MYO16: variants seen among roughly 807,000 people sequenced by gnomAD.
The protein encoded by MYO16 is myosin XVI.
MYO16 carries 94 observed loss-of-function variants against 205.3 expected under a neutral mutation model. The ratio of observed to expected loss-of-function variants is 0.46; its 90% CI spans 0.39 to 0.54. MYO16 has a LOEUF of 0.54. MYO16 is among the 20% of genes least tolerant of loss of function. MYO16 has a pLI of 0.00. For missense variants in MYO16, 2,315 were observed against 2,387.5 expected (o/e 0.97, Z 0.63); for synonymous variants, 988 against 954.0 (o/e 1.04, Z -0.66).
intron 34 of MYO16, among the ~76,000 whole-genome samples, chr13:109,193,576 T>A (rs1198967728): frequency 1.3e-5 from 2 of 152,256 alleles, no homozygotes; most frequent in African/African-American, 2.4e-5. Flanking sequence ...GAAAAAAAAA[T>A]TTGAGAAATT....
chr13:109,037,493 C>T (rs1886753801), intron 23 of MYO16, among the ~76,000 whole-genome samples: 1 of 152,102 alleles, frequency 6.6e-6, no homozygotes, highest in East Asian at 1.9e-4. Flanking sequence ...CTAGGTAATG[C>T]CATGAGTCCT....
chr13:108,666,517 C>A (rs1205302367), intron 2 of MYO16, among the ~76,000 whole-genome samples: 1 of 151,798 alleles, frequency 6.6e-6, no homozygotes, highest in Non-Finnish European at 1.5e-5. Flanking sequence ...GAGACAGGGT[C>A]CCACTATGTT....
chr13:108,959,124 T>C (rs991557918), intron 17 of MYO16, among the ~76,000 whole-genome samples: 4 of 152,140 alleles, frequency 2.6e-5, no homozygotes, highest in Non-Finnish European at 4.4e-5. Context: ...GGCACCTTGC[T>C]GCACCCACCC....
At chr13:108,641,732 G>A (rs1260068427) in intron 1 of MYO16, among the ~76,000 whole-genome samples, 1 of 152,150 alleles carries the variant, frequency 6.6e-6, no homozygotes, top group African/African-American at 2.4e-5. Context: ...TTTATGCAGG[G>A]CAACATTTTG....
At chr13:109,042,903 G>A (rs1886926004) in intron 23 of MYO16, among the ~76,000 whole-genome samples, 1 of 152,160 alleles carries the variant, frequency 6.6e-6, no homozygotes, top group African/African-American at 2.4e-5. Context: ...AAATCAAACT[G>A]CCATCAGCAA....
chr13:109,001,197 AAAGG>A (rs1402741305), intron 21 of MYO16, among the ~76,000 whole-genome samples: 2 of 151,738 alleles, frequency 1.3e-5, no homozygotes, highest in Admixed American at 6.6e-5. Flanking sequence ...AAAAAAAAGA[AAAGG>A]AAGAGAAGGG....
chr13:108,757,464 C>T (rs2139649275), intron 4 of MYO16, among the ~76,000 whole-genome samples: 1 of 151,688 alleles, frequency 6.6e-6, no homozygotes, highest in South Asian at 2.1e-4. Context: ...GTTTTTATGA[C>T]CAAGCTAGTT....
At position 109,059,112 on chromosome 13, in the gene MYO16, T is replaced by C. The variant is rs141893777; in HGVS notation, c.3335+3517T>C. 1.4e-4 allele frequency among the ~76,000 whole-genome samples: 21 copies of C among 152,324 alleles called. 2 individuals carry two copies. In the East Asian group the frequency reaches 4.1e-3, roughly 29 times the overall value. ...TCTGCAGTTGCTTTCTCCACTGGCG[T>C]ATTGAACCCCTCAAAGTCATTCATG... On this transcript the variant is annotated intron_variant, in intron 27 of 34. Transcript: ENST00000457511.
intron 12 of MYO16, among the ~76,000 whole-genome samples, chr13:108,873,700 C>A: frequency 7.8e-6 from 1 of 128,924 alleles, no homozygotes. Context: ...GGACAGGGTC[C>A]ATGCCAACCA....
intron 1 of MYO16, among the ~76,000 whole-genome samples, chr13:108,603,946 T>C (rs1398756199): frequency 6.6e-6 from 1 of 152,104 alleles, no homozygotes; most frequent in Non-Finnish European, 1.5e-5. Flanking sequence ...AGGTAATATA[T>C]AAAGAAAGAT....
intron 32 of MYO16, among the ~76,000 whole-genome samples, chr13:109,160,345 T>A (rs1040697002): frequency 6.6e-6 from 1 of 152,234 alleles, no homozygotes; most frequent in Non-Finnish European, 1.5e-5. Flanking sequence ...TCACCTTAAA[T>A]GTACCTACAC....
intron 28 of MYO16, among the ~76,000 whole-genome samples, chr13:109,112,381 C>T (rs984519987): frequency 6.6e-6 from 1 of 152,146 alleles, no homozygotes; most frequent in African/African-American, 2.4e-5. Flanking sequence ...TGAAACTCAG[C>T]ATCTTTGTTT....
chr13:108,779,711 C>G (rs978869904), intron 4 of MYO16: 1 of 152,128 alleles, frequency 6.6e-6, no homozygotes. Context: ...CAGGGACGTG[C>G]GCCCCTGGGT....
At chr13:108,895,309 A>G (rs188497812) in intron 14 of MYO16, among the ~76,000 whole-genome samples, 15 of 152,260 alleles carry the variant, frequency 9.9e-5, no homozygotes, top group African/African-American at 2.9e-4. Flanking sequence ...GTTACTGTGC[A>G]ACGTTGTCAT....
intron 27 of MYO16, among the ~76,000 whole-genome samples, chr13:109,072,789 T>C (rs984722312): frequency 2.0e-4 from 31 of 152,156 alleles, no homozygotes; most frequent in Admixed American, 5.2e-4. Flanking sequence ...TGTCAAAGAC[T>C]AAAAAAACAA....
At chr13:108,701,799 G>C (rs1883317768) in intron 2 of MYO16, among the ~76,000 whole-genome samples, 1 of 152,016 alleles carries the variant, frequency 6.6e-6, no homozygotes, top group African/African-American at 2.4e-5. Flanking sequence ...AATAACTAAA[G>C]AAAATTATGT....
intron 28 of MYO16, among the ~76,000 whole-genome samples, chr13:109,103,691 C>G (rs1203892530): frequency 3.9e-5 from 6 of 152,178 alleles, no homozygotes; most frequent in Admixed American, 1.3e-4. Context: ...GATGGTAACT[C>G]TGTAATTCTT....
At chr13:108,562,568 T>A in the MYO16 span, among the ~76,000 whole-genome samples, 1 of 152,150 alleles carries the variant, frequency 6.6e-6, no homozygotes, top group African/African-American at 2.4e-5. Context: ...CTGCTTAGGG[T>A]ATTTCCATTT....
chr13:108,541,359 C>A, the MYO16 span, among the ~76,000 whole-genome samples: 2 of 150,576 alleles, frequency 1.3e-5, no homozygotes, highest in African/African-American at 4.9e-5. Flanking sequence ...AATTATGCAT[C>A]TATTAATTTA....
Sources: allele counts gnomAD v4.1 joint callset (sites outside exome capture counted in the v4.1 genomes callset), GRCh38; gene constraint gnomAD v4.1.1; transcripts MANE v1.5; gene names NCBI Gene and HGNC (gene_info 2026-07-23, HGNC 2026-07-21).